The following SCN3B variants were observed in gnomAD, a reference collection of about 807,000 sequenced individuals.
The protein encoded by SCN3B is sodium voltage-gated channel beta subunit 3.
Under a neutral mutation model 25.4 loss-of-function variants are expected in SCN3B, and 11 were observed. That is an observed-to-expected ratio of 0.43 (90% CI 0.27 to 0.72). The LOEUF (loss-of-function observed/expected upper bound fraction) is 0.72. Among genes scored for constraint, SCN3B ranks in the 30% least tolerant of loss-of-function variants. The pLI, the probability that SCN3B is intolerant of heterozygous loss-of-function variation, is 0.18. For synonymous variants in SCN3B, 109 were observed against 110.7 expected (o/e 0.99, Z 0.09); for missense variants, 218 against 278.3 (o/e 0.78, Z 1.54).
chr11:123,641,439 C>T (rs1212554691), intron 4 of SCN3B, among the ~76,000 whole-genome samples: 3 of 152,188 alleles, frequency 2.0e-5, no homozygotes, highest in Non-Finnish European at 2.9e-5. Flanking sequence ...TTTATCACAA[C>T]GACATGATAA....
intron 4 of SCN3B, among the ~76,000 whole-genome samples, chr11:123,641,927 T>C (rs189659242): frequency 1.3e-3 from 191 of 152,306 alleles, no homozygotes; most frequent in African/African-American, 4.2e-3. Context: ...TGTCACGCAG[T>C]GCAAACTCTC....
intron 1 of SCN3B, 108 bp from the exon 2 acceptor site, chr11:123,653,934 G>T: frequency 9.5e-7 from 1 of 1,057,954 alleles, no homozygotes; most frequent in African/African-American, 1.6e-5. Flanking sequence ...CCGAAGGAAG[G>T]GCCGAGCACC....
At chr11:123,644,840 TACACACACAC>T (rs1555115890) in intron 3 of SCN3B, among the ~76,000 whole-genome samples, 2 of 124,634 alleles carry the variant, frequency 1.6e-5, no homozygotes, top group South Asian at 2.9e-4. Context: ...TATATATATA[TACACACACAC>T]ATATATACAC....
intron 3 of SCN3B, among the ~76,000 whole-genome samples, chr11:123,643,050 A>C (rs1955810088): frequency 1.3e-5 from 2 of 152,222 alleles, no homozygotes; most frequent in African/African-American, 2.4e-5. Context: ...ACAGGATTGT[A>C]AAAAGATAGA....
chr11:123,650,364 G>C (rs1326512721), intron 2 of SCN3B, among the ~76,000 whole-genome samples: 3 of 152,096 alleles, frequency 2.0e-5, no homozygotes, highest in Non-Finnish European at 4.4e-5. Context: ...CCTTTGCACT[G>C]AGATAATGAA....
intron 5 of SCN3B, among the ~76,000 whole-genome samples, chr11:123,636,608 CAT>C (rs1351727567): frequency 6.6e-6 from 1 of 151,782 alleles, no homozygotes; most frequent in East Asian, 1.9e-4. Flanking sequence ...CTGCTCAGGG[CAT>C]ATTATGCTTC....
intron 3 of SCN3B, among the ~76,000 whole-genome samples, chr11:123,643,532 T>G (rs1565496378): frequency 6.6e-6 from 1 of 152,268 alleles, no homozygotes; most frequent in Non-Finnish European, 1.5e-5. Context: ...TCAGTGGCAC[T>G]GGCCACATTT....
chr11:123,649,649 T>G (rs1202681108), intron 2 of SCN3B, among the ~76,000 whole-genome samples: 2 of 151,408 alleles, frequency 1.3e-5, no homozygotes, highest in Non-Finnish European at 2.9e-5. Context: ...TTTTTTTCTT[T>G]CTTTCTCTTT....
intron 6 of SCN3B, 131 bp from the exon 7 acceptor site, chr11:123,633,907 C>T: frequency 2.0e-6 from 1 of 505,682 alleles, no homozygotes; most frequent in Non-Finnish European, 3.7e-6. Context: ...TTCAGATTGC[C>T]TCGACACTCA....
rs751464407 is a variant in SCN3B, at chr11:123,642,398, T to C, written c.445+48A>G. The stretch of plus-strand genomic sequence containing the variant: ...GGAAAACTGCTGTCCTACCCTTCCC[T>C]GTCCACAGAGAGCAGGACGCCCTAG... On this transcript the variant is annotated intron_variant, in intron 4 of 6. Coordinates refer to ENST00000299333, the MANE Select transcript of SCN3B (RefSeq NM_001040151.2). The surrounding 1 kb of genome is among the most constrained non-coding windows in gnomAD (Gnocchi z 4.3). 6.3e-6 allele frequency: 10 copies of C among 1,575,820 alleles called. No individual in the cohort carries two copies. In the African/African-American group the frequency reaches 1.2e-4, roughly 19 times the overall value.
chr11:123,650,075 C>A (rs1232415680), intron 2 of SCN3B, among the ~76,000 whole-genome samples: 6 of 152,142 alleles, frequency 3.9e-5, no homozygotes. Context: ...GGAGCTCAAA[C>A]TACATTGCTG....
chr11:123,639,948 T>C (rs906343134), intron 4 of SCN3B: 8 of 152,188 alleles, frequency 5.3e-5, no homozygotes, highest in Non-Finnish European at 1.0e-4. Context: ...GGGAGAAATG[T>C]TGTAGCCACC....
chr11:123,645,763 C>T lies in SCN3B; in HGVS notation c.56-13G>A, dbSNP rs1380439360. 6.2e-7 allele frequency: 1 copy of T among 1,613,674 alleles called. No individual in the cohort carries two copies. The highest frequency in any genetic ancestry group is 2.2e-5 in the East Asian group (1 of 44,862). ...AAGCAGACACTGACTGCAGAGAGGACAGATGGACAGGGAAGGAACAGCAGG... is the reference window on the plus strand; with the variant it reads ...AAGCAGACACTGACTGCAGAGAGGATAGATGGACAGGGAAGGAACAGCAGG... On this transcript the variant is annotated splice_polypyrimidine_tract_variant and intron_variant, in intron 2 of 6. Transcript: ENST00000299333.
At chr11:123,639,165 G>A (rs1955760319) in intron 4 of SCN3B, 4 of 152,432 alleles carry the variant, frequency 2.6e-5, no homozygotes, top group Admixed American at 2.6e-4. Flanking sequence ...AAAAACTTCT[G>A]CTACACACTG....
chr11:123,638,853 T>C (rs1480800248), intron 4 of SCN3B: 1 of 193,738 alleles, frequency 5.2e-6, no homozygotes. Context: ...GTTGGAAAAC[T>C]CATTCAGGGC....
chr11:123,650,316 G>A (rs551230754), intron 2 of SCN3B, among the ~76,000 whole-genome samples: 1 of 152,264 alleles, frequency 6.6e-6, no homozygotes, highest in African/African-American at 2.4e-5. Flanking sequence ...TTTGGACAAT[G>A]CCCAATTTTT....
In SCN3B at chr11:123,642,808, AC is replaced by A; in HGVS notation, c.220-138del. 1.4e-6 allele frequency: 1 copy of A among 728,914 alleles called. No individual in the cohort carries two copies. Among genetic ancestry groups the A allele is most frequent in the Non-Finnish European group, 2.4e-6 (1 of 411,126 alleles). The allele number at this position is 728,914 out of a possible 1,614,324, so 45.2% of individuals were successfully genotyped here. ...AGAGAGGGGACAATGCCACCGGGAG[AC>A]CCAGAATGTGGGGGTGGGATGAAGA... On this transcript the variant is annotated intron_variant, in intron 3 of 6. Transcript: ENST00000299333. The surrounding 1 kb of genome is among the most constrained non-coding windows in gnomAD (Gnocchi z 4.3).
chr11:123,648,578 T>C (rs996577485), intron 2 of SCN3B, among the ~76,000 whole-genome samples: 9 of 151,992 alleles, frequency 5.9e-5, no homozygotes, highest in African/African-American at 2.2e-4. Context: ...CAACATTAAA[T>C]AGTAAAAAGT....
At chr11:123,634,592 A>G (rs1955706519) in intron 5 of SCN3B, among the ~76,000 whole-genome samples, 1 of 152,136 alleles carries the variant, frequency 6.6e-6, no homozygotes, top group South Asian at 2.1e-4. Context: ...AATACAAAAA[A>G]CTAGCCTGGC....
Sources: allele counts gnomAD v4.1 joint callset (sites outside exome capture counted in the v4.1 genomes callset), GRCh38; gene constraint gnomAD v4.1.1; non-coding constraint Gnocchi (gnomAD v3.1); transcripts MANE v1.5; gene names NCBI Gene and HGNC (gene_info 2026-07-23, HGNC 2026-07-21).